GTF3C6: variants seen among roughly 807,000 people sequenced by gnomAD.
GTF3C6 encodes general transcription factor IIIC subunit 6.
Under a neutral mutation model 19.2 loss-of-function variants are expected in GTF3C6, and 11 were observed. The observed-to-expected ratio is 0.57, with a 90% CI of 0.36 to 0.95. The LOEUF is 0.95. GTF3C6 is among the 40% of genes least tolerant of loss of function. The pLI, the probability that GTF3C6 is intolerant of heterozygous loss-of-function variation, is 0.01. For synonymous variants in GTF3C6, 87 were observed against 84.2 expected (o/e 1.03, Z -0.18); for missense variants, 222 against 254.7 (o/e 0.87, Z 0.87).
rs1404726708 is a variant in GTF3C6 at position 110,958,740 on chromosome 6, A to G, written c.-30A>G. 5.8e-6 allele frequency: 9 copies of G among 1,550,156 alleles called. No homozygotes were observed. Among genetic ancestry groups the G allele is most frequent in the Non-Finnish European group, 7.0e-6 (8 of 1,146,748 alleles). On this transcript the variant is annotated 5_prime_UTR_variant, in exon 1 of 6. Coordinates refer to ENST00000329970, the MANE Select transcript of GTF3C6 (RefSeq NM_138408.4). Reference sequence around the variant, plus strand: ...ATGGCGGCTCCGGGCGGGCGTGGCCAGTGACTAGAAGGCGAGGCGCCGCGG... The same window carrying G: ...ATGGCGGCTCCGGGCGGGCGTGGCCGGTGACTAGAAGGCGAGGCGCCGCGG...
rs765735972 is a variant in GTF3C6 at position 110,962,467 on chromosome 6, C to A, written c.323C>A (p.Thr108Asn). 1.2e-6 allele frequency: 2 copies of A among 1,610,948 alleles called. No homozygotes were observed. Among genetic ancestry groups the A allele is most frequent in the East Asian group, 2.2e-5 (1 of 44,860 alleles). The change falls in exon 5 of 6, where the codon ACT becomes AAT. Residue 108 changes from threonine (T) to asparagine (N), a missense_variant. Thr to Asn is a moderately conservative substitution (Grantham distance 65). Coordinates refer to ENST00000329970, the MANE Select transcript of GTF3C6 (RefSeq NM_138408.4). ...ATGAAGAAGCTCAGCATGACAAGAA[C>A]TCTCCTGACAGAGAAGAAGGAAGGA... is the stretch of plus-strand genomic sequence containing the variant. Reference protein sequence around the residue: ...HTMKKLSMTRTLLTEKKEGEE... With the variant: ...HTMKKLSMTRNLLTEKKEGEE...
chr6:110,967,027 C>T (rs1771238407), intron 5 of GTF3C6, among the ~76,000 whole-genome samples: 2 of 152,170 alleles, frequency 1.3e-5, no homozygotes, highest in African/African-American at 2.4e-5. Context: ...GTGGCACACA[C>T]CTGTAATCCC....
In GTF3C6 at chr6:110,967,539, A is replaced by G. The variant is rs1392059539; in HGVS notation, c.391A>G (p.Asn131Asp). The G allele has an allele frequency of 6.2e-7, 1 of 1,613,494 alleles. No homozygotes were observed. The highest frequency in any genetic ancestry group is 2.2e-5 in the East Asian group (1 of 44,862). ...GGTGGAATGGCTGCAAATAAAGGATAATGATTTCTCCTATCGACCCAACAT... is the reference window on the plus strand; with the variant it reads ...GGTGGAATGGCTGCAAATAAAGGATGATGATTTCTCCTATCGACCCAACAT... The part of the protein sequence containing the change: ...GGVEWLQIKD[N>D]DFSYRPNMIC... The change falls in exon 6 of 6, where the codon AAT becomes GAT. Residue 131 changes from asparagine to aspartate, a missense_variant. Coordinates refer to ENST00000329970, the MANE Select transcript of GTF3C6 (RefSeq NM_138408.4).
At chr6:110,960,114 AAAAAT>A (rs1771141066) in intron 2 of GTF3C6, among the ~76,000 whole-genome samples, 1 of 152,206 alleles carries the variant, frequency 6.6e-6, no homozygotes, top group Admixed American at 6.5e-5. Context: ...CACTGTCTCA[AAAAAT>A]AAATAGATGA....
intron 4 of GTF3C6, 95 bp downstream of exon 4, chr6:110,960,711 C>A: frequency 1.0e-6 from 1 of 954,934 alleles, no homozygotes; most frequent in Non-Finnish European, 1.7e-6. Flanking sequence ...CTAGCTGTAT[C>A]ATATCCTATC....
At chr6:110,959,290 T>A in intron 2 of GTF3C6, 38 bp downstream of exon 2, 3 of 1,223,754 alleles carry the variant, frequency 2.5e-6, no homozygotes, top group Non-Finnish European at 3.6e-6. Context: ...TTCTAGAGTG[T>A]CTTAAATGTA....
At position 110,958,843 on chromosome 6, in the gene GTF3C6, C is replaced by T. The variant is rs748414739; in HGVS notation, c.57+17C>T. On this transcript the variant is annotated intron_variant, in intron 1 of 5. Transcript: ENST00000329970. ...GAAGAGGAGGTAGTAAGCGCTACGCCAAAAGCCTGCACCGCAGTGGCGGTG... is the reference window on the plus strand; with the variant it reads ...GAAGAGGAGGTAGTAAGCGCTACGCTAAAAGCCTGCACCGCAGTGGCGGTG... The T allele has an allele frequency of 6.5e-6, 10 of 1,550,336 alleles. No individual in the cohort carries two copies. The highest frequency in any genetic ancestry group is 1.2e-5 in the South Asian group (1 of 83,970).
At chr6:110,961,294 G>A (rs982618077) in intron 4 of GTF3C6, among the ~76,000 whole-genome samples, 1 of 151,744 alleles carries the variant, frequency 6.6e-6, no homozygotes, top group East Asian at 2.0e-4. Context: ...GGGATTACAG[G>A]CGCCTGCCAC....
chr6:110,959,971 A>AAT (rs544376504), intron 2 of GTF3C6, among the ~76,000 whole-genome samples: 17 of 151,492 alleles, frequency 1.1e-4, no homozygotes, highest in Admixed American at 8.6e-4. Context: ...TAAAAAAAAA[A>AAT]AATAATAATA....
chr6:110,959,392 C>T (rs1329135578), intron 2 of GTF3C6, 140 bp downstream of exon 2: 1 of 594,150 alleles, frequency 1.7e-6, no homozygotes, highest in Non-Finnish European at 2.9e-6. Context: ...AAGAAGTATA[C>T]TAAGTATAAT....
intron 5 of GTF3C6, among the ~76,000 whole-genome samples, chr6:110,963,005 T>C (rs1398811879): frequency 1.3e-5 from 2 of 152,074 alleles, no homozygotes; most frequent in African/African-American, 4.8e-5. Context: ...TCTCAATCTC[T>C]TGACGTCATG....
intron 4 of GTF3C6, 21 bp from the exon 5 acceptor site, chr6:110,962,371 T>A (rs1423118140): frequency 1.6e-6 from 2 of 1,228,448 alleles, no homozygotes; most frequent in South Asian, 2.4e-5. Context: ...AGTATAATAA[T>A]GTTGTTCATT....
At position 110,962,503 on chromosome 6, in the gene GTF3C6, T is replaced by C. The variant is rs533910805; in HGVS notation, c.359T>C (p.Ile120Thr). The C allele has an allele frequency of 2.6e-6, 4 of 1,543,556 alleles. No individual in the cohort carries two copies. The South Asian group carries it at 3.4e-5, about 13-fold the overall frequency. Residue 120 changes from isoleucine (I) to threonine (T), a missense_variant and splice_region_variant, in exon 5 of 6, where the codon ATA (isoleucine) becomes ACA (threonine). Physicochemically the swap from Ile to Thr is moderately conservative, Grantham distance 89. Coordinates refer to ENST00000329970, the MANE Select transcript of GTF3C6 (RefSeq NM_138408.4). ...LTEKKEGEEN[I>T]GGVEWLQIKD... ...GAGAAGAAGGAAGGAGAAGAAAACA[T>C]AGGTTAGTTCCATTATTCTCTGAAA...
intron 5 of GTF3C6, among the ~76,000 whole-genome samples, chr6:110,967,107 C>G (rs1452024451): frequency 2.6e-5 from 4 of 151,846 alleles, no homozygotes; most frequent in Non-Finnish European, 5.9e-5. Context: ...GAGCCAAGAT[C>G]GTACCCACTG....
chr6:110,958,963 C>A, intron 1 of GTF3C6, 137 bp downstream of exon 1: 2 of 1,075,858 alleles, frequency 1.9e-6, no homozygotes, highest in Non-Finnish European at 2.7e-6. Flanking sequence ...CTCCTGGGCG[C>A]GAGGAGCCGG....
rs1431496925 is a variant in GTF3C6 at position 110,967,829 on chromosome 6, T to C, written c.*39T>C. On this transcript the variant is annotated 3_prime_UTR_variant, in exon 6 of 6. Coordinates refer to ENST00000329970, the MANE Select transcript of GTF3C6 (RefSeq NM_138408.4). ...ATGAAATGTTTCTCATAATAACTTG[T>C]CAAGAACTTTTTAGAGTTGTTACAT... 2.6e-6 allele frequency: 4 copies of C among 1,529,676 alleles called. No homozygotes were observed. The Admixed American group carries it at 6.5e-5, about 25-fold the overall frequency. 94.8% of individuals were successfully genotyped at this position (1,529,676 alleles called of 1,614,324 possible).
chr6:110,959,103 C>G, intron 1 of GTF3C6, 69 bp from the exon 2 acceptor site: 1 of 1,155,606 alleles, frequency 8.7e-7, no homozygotes, highest in East Asian at 2.3e-5. Flanking sequence ...GGAAATTTGG[C>G]TTCTTTTGCT....
At position 110,960,456 on chromosome 6, in the gene GTF3C6, G is replaced by A; in HGVS notation, c.181G>A (p.Val61Ile). Residue 61 changes from valine (V) to isoleucine (I), a missense_variant, in exon 3 of 6, where the codon GTC becomes ATC. Transcript: ENST00000329970. ...ERPILQVDSC[V>I]FAGEYEDTLG... The stretch of plus-strand genomic sequence containing the variant: ...GCCCATTCTGCAAGTGGACAGCTGT[G>A]TCTTTGCTGGGGAGTATGAAGGTAG... 1 of 1,613,942 alleles carries A rather than the reference G, an allele frequency of 6.2e-7. No individual in the cohort carries two copies. Among genetic ancestry groups the A allele is most frequent in the Non-Finnish European group, 8.5e-7 (1 of 1,179,952 alleles).
intron 5 of GTF3C6, 47 bp downstream of exon 5, chr6:110,962,552 G>C (rs966663990): frequency 2.0e-6 from 2 of 1,001,194 alleles, no homozygotes; most frequent in Non-Finnish European, 3.2e-6. Flanking sequence ...TACTGGCTTT[G>C]ACAATGATAC....
Sources: allele counts gnomAD v4.1 joint callset (sites outside exome capture counted in the v4.1 genomes callset), GRCh38; gene constraint gnomAD v4.1.1; transcripts MANE v1.5; gene names NCBI Gene and HGNC (gene_info 2026-07-23, HGNC 2026-07-21).